CCDC30: variants seen among roughly 807,000 people sequenced by gnomAD.
CCDC30 encodes coiled-coil domain containing 30, also known as coiled-coil domain-containing protein 30.
In CCDC30, 70 loss-of-function variants were observed where a neutral mutation model predicts 100.2. The observed-to-expected ratio is 0.70, with a 90% CI of 0.58 to 0.85. CCDC30 has a LOEUF of 0.85. CCDC30 is among the 40% of genes least tolerant of loss of function. CCDC30 has a pLI of 0.00. For missense variants in CCDC30, 652 were observed against 771.2 expected, an observed-to-expected ratio of 0.85 and a Z score of 1.83; for synonymous variants, 233 against 269.5, an observed-to-expected ratio of 0.86 and a Z score of 1.33.
chr1:42,580,661 T>G (rs1445641171), intron 8 of CCDC30, among the ~76,000 whole-genome samples: 1 of 152,218 alleles, frequency 6.6e-6, no homozygotes, highest in African/African-American at 2.4e-5. Flanking sequence ...AAAAAATGTT[T>G]TTAAATGACA....
chr1:42,568,829 G>A (rs1260279886), intron 7 of CCDC30, among the ~76,000 whole-genome samples: 1 of 150,748 alleles, frequency 6.6e-6, no homozygotes, highest in Admixed American at 6.6e-5. Flanking sequence ...TGTAGTCCCA[G>A]CTACTCGGGA....
chr1:42,468,896 A>G (rs997327634), intron 1 of CCDC30, among the ~76,000 whole-genome samples: 1 of 152,168 alleles, frequency 6.6e-6, no homozygotes, highest in Non-Finnish European at 1.5e-5. Flanking sequence ...AGCTAAAGGC[A>G]GGGTTTTCCT....
At chr1:42,534,565 A>T (rs1415120627) in intron 6 of CCDC30, among the ~76,000 whole-genome samples, 2 of 152,186 alleles carry the variant, frequency 1.3e-5, no homozygotes, top group African/African-American at 4.8e-5. Context: ...CATTCTTTCT[A>T]ACTCATCAGC....
chr1:42,506,430 C>A (rs1014271402), intron 6 of CCDC30, among the ~76,000 whole-genome samples: 2 of 152,182 alleles, frequency 1.3e-5, no homozygotes, highest in South Asian at 4.1e-4. Context: ...AAATTTCCAG[C>A]ATAGTTACAG....
intron 6 of CCDC30, among the ~76,000 whole-genome samples, chr1:42,551,674 C>A (rs1645254454): frequency 6.6e-6 from 1 of 151,804 alleles, no homozygotes; most frequent in Non-Finnish European, 1.5e-5. Flanking sequence ...TTTTAAAAAT[C>A]TGTTCAGCCT....
At position 42,587,852 on chromosome 1, in the gene CCDC30, T is replaced by C. The variant is rs1244791039; in HGVS notation, c.1002-1469T>C. ...ACTCTTTTCACAAACTTTATTCTAT[T>C]ACTGAAATACCAGGGGTTTGGTCTA... is the stretch of plus-strand genomic sequence containing the variant. On this transcript the variant is annotated intron_variant, in intron 9 of 16. Transcript: ENST00000668663. 2.6e-5 allele frequency among the ~76,000 whole-genome samples: 4 copies of C among 152,192 alleles called. No individual in the cohort carries two copies. In the East Asian group the frequency reaches 5.8e-4, roughly 22 times the overall value.
intron 1 of CCDC30, among the ~76,000 whole-genome samples, chr1:42,472,944 A>G (rs1290349254): frequency 6.6e-6 from 1 of 152,182 alleles, no homozygotes; most frequent in African/African-American, 2.4e-5. Context: ...CAAGATATAT[A>G]TACATACACA....
At chr1:42,560,163 C>T (rs1645457476) in intron 6 of CCDC30, among the ~76,000 whole-genome samples, 1 of 152,034 alleles carries the variant, frequency 6.6e-6, no homozygotes, top group African/African-American at 2.4e-5. Flanking sequence ...GAAATTTATA[C>T]CACTAAATGC....
In CCDC30 at chr1:42,577,010, C is replaced by T. The variant is rs918199339; in HGVS notation, c.637-10C>T. 28 of 1,585,524 alleles carry T rather than the reference C, an allele frequency of 1.8e-5. No homozygotes were observed. Among genetic ancestry groups the T allele is most frequent in the Non-Finnish European group, 2.3e-5 (26 of 1,155,306 alleles). ...TATTTGTATTACTCTTACTTATTCT[C>T]TACCTCTAGATAAAGATTGAACTAA... On this transcript the variant is annotated splice_polypyrimidine_tract_variant and intron_variant, in intron 7 of 16. Transcript: ENST00000668663.
At chr1:42,626,752 G>A (rs762167931) in intron 11 of CCDC30, among the ~76,000 whole-genome samples, 9 of 152,016 alleles carry the variant, frequency 5.9e-5, no homozygotes, top group South Asian at 2.1e-4. Flanking sequence ...AGGGGTTGCC[G>A]GTTTTGCTTC....
rs1437706246 is a variant in CCDC30 at position 42,553,396 on chromosome 1, A to G, written c.457-12900A>G. ...GTCTTTTAATGTTTGTTTTATATAT[A>G]ATGTTCAGAGTTTTTAGTTGTACTT... On this transcript the variant is annotated intron_variant, in intron 6 of 16. Transcript: ENST00000668663. Among the ~76,000 whole-genome samples, 11 of 151,896 alleles carry G rather than the reference A, an allele frequency of 7.2e-5. 1 individual carries two copies.
chr1:42,613,294 G>A (rs1194684163), intron 11 of CCDC30, among the ~76,000 whole-genome samples: 1 of 152,030 alleles, frequency 6.6e-6, no homozygotes, highest in East Asian at 1.9e-4. Flanking sequence ...TCGCTCTGTC[G>A]CCCAGGCTGG....
At chr1:42,627,606 TC>T (rs995378992) in intron 11 of CCDC30, among the ~76,000 whole-genome samples, 2 of 151,934 alleles carry the variant, frequency 1.3e-5, no homozygotes, top group African/African-American at 4.8e-5. Context: ...GGTCCCAGGG[TC>T]CCCATACTGT....
At chr1:42,587,912 T>A (rs1367942736) in intron 9 of CCDC30, among the ~76,000 whole-genome samples, 1 of 152,194 alleles carries the variant, frequency 6.6e-6, no homozygotes, top group African/African-American at 2.4e-5. Context: ...AGCCAATTAC[T>A]GAGACAATGA....
intron 3 of CCDC30, among the ~76,000 whole-genome samples, chr1:42,483,786 TG>T (rs58331959): frequency 3.5e-4 from 54 of 152,256 alleles, no homozygotes; most frequent in Admixed American, 1.2e-3. Context: ...TTGTTGTTAT[TG>T]TTTTTTTACC....
intron 6 of CCDC30, among the ~76,000 whole-genome samples, chr1:42,519,694 G>A (rs369089005): frequency 2.0e-5 from 3 of 152,274 alleles, no homozygotes; most frequent in Admixed American, 6.5e-5. Context: ...TGGGATTACA[G>A]GCACCTGCCA....
intron 11 of CCDC30, among the ~76,000 whole-genome samples, chr1:42,629,752 C>T (rs543629724): frequency 6.5e-4 from 99 of 151,982 alleles, no homozygotes; most frequent in African/African-American, 2.3e-3. Flanking sequence ...CTGCCTCAGC[C>T]TCCCAAGTGT....
chr1:42,511,617 A>G (rs752807364), intron 6 of CCDC30, among the ~76,000 whole-genome samples: 9 of 152,194 alleles, frequency 5.9e-5, no homozygotes, highest in Non-Finnish European at 1.2e-4. Flanking sequence ...TTTGTGGCCA[A>G]TTAGGACTCC....
At chr1:42,533,266 G>A (rs1171890531) in intron 6 of CCDC30, among the ~76,000 whole-genome samples, 1 of 152,194 alleles carries the variant, frequency 6.6e-6, no homozygotes, top group Non-Finnish European at 1.5e-5. Context: ...GGAAAGGAAT[G>A]TGAGCTGGTG....
Sources: allele counts gnomAD v4.1 joint callset (sites outside exome capture counted in the v4.1 genomes callset), GRCh38; gene constraint gnomAD v4.1.1; transcripts MANE v1.5; gene names NCBI Gene and HGNC (gene_info 2026-07-23, HGNC 2026-07-21).